The following EDDM3A variants were observed in gnomAD, a reference collection of about 807,000 sequenced individuals.
The protein encoded by EDDM3A is epididymal secretory protein E3-alpha.
For synonymous variants in EDDM3A, 75 were observed against 60.4 expected (o/e 1.24, Z -1.12); for missense variants, 199 against 177.4 (o/e 1.12, Z -0.69).
At chr14:20,743,745 T>C (rs150294878), upstream of EDDM3A, among the ~76,000 whole-genome samples, 144 of 152,278 alleles carry the variant, frequency 9.5e-4, 2 homozygotes, top group African/African-American at 3.2e-3. Flanking sequence ...AGTAGACCCA[T>C]TACGTAGTTT....
At chr14:20,741,872 TA>T (rs147599289), upstream of EDDM3A, among the ~76,000 whole-genome samples, 3,175 of 152,212 alleles carry the variant, frequency 0.021, 261 homozygotes, top group East Asian at 0.27. Context: ...TACTCAGTAG[TA>T]AACACACACT....
At chr14:20,743,260 G>T (rs1318204724), upstream of EDDM3A, among the ~76,000 whole-genome samples, 3 of 152,174 alleles carry the variant, frequency 2.0e-5, no homozygotes, top group Admixed American at 6.5e-5. Flanking sequence ...GCTAACAAAA[G>T]AAATATTGGC....
At chr14:20,745,581 C>A (rs1877559925), upstream of EDDM3A, among the ~76,000 whole-genome samples, 1 of 151,418 alleles carries the variant, frequency 6.6e-6, no homozygotes, top group Non-Finnish European at 1.5e-5. Context: ...CATAGCATAA[C>A]CCTCCAGGGA....
At position 20,747,882 on chromosome 14, in the gene EDDM3A, A is replaced by G. The variant is rs749334870; in HGVS notation, c.302A>G (p.Lys101Arg). Reference sequence around the variant, plus strand: ...TATGTATGGGCCCCAGGTGCCCTCAAAGTACTCGAGTGTCACTGGGAGAAG... The same window carrying G: ...TATGTATGGGCCCCAGGTGCCCTCAGAGTACTCGAGTGTCACTGGGAGAAG... ...NAYVWAPGAL[K>R]VLECHWEKYN... The change falls in exon 2 of 2, where the codon AAA (lysine) becomes AGA (arginine). Residue 101 changes from lysine to arginine, a missense_variant. Coordinates refer to ENST00000326842, the MANE Select transcript of EDDM3A (RefSeq NM_006683.5). 6.2e-7 allele frequency: 1 copy of G among 1,614,170 alleles called. No homozygotes were observed. The highest frequency in any genetic ancestry group is 1.1e-5 in the South Asian group (1 of 91,084).
chr14:20,742,002 C>T (rs1877448612), upstream of EDDM3A, among the ~76,000 whole-genome samples: 1 of 152,236 alleles, frequency 6.6e-6, no homozygotes, highest in African/African-American at 2.4e-5. Context: ...AGCGTCACTT[C>T]TTACATATGC....
upstream of EDDM3A, among the ~76,000 whole-genome samples, chr14:20,742,397 C>A (rs997542232): frequency 6.6e-6 from 1 of 152,182 alleles, no homozygotes; most frequent in Non-Finnish European, 1.5e-5. Flanking sequence ...CTGGTCCTCG[C>A]GTAAGAAATC....
upstream of EDDM3A, among the ~76,000 whole-genome samples, chr14:20,743,420 C>T (rs117671519): frequency 5.4e-3 from 829 of 152,176 alleles, 32 homozygotes; most frequent in East Asian, 0.1. Flanking sequence ...TGTGTTGGTG[C>T]GCACCTGTAC....
At chr14:20,741,558 A>G (rs373575321), upstream of EDDM3A, among the ~76,000 whole-genome samples, 22 of 152,274 alleles carry the variant, frequency 1.4e-4, no homozygotes, top group South Asian at 4.4e-3. Context: ...CAGGCTCCCT[A>G]TAAGTAGAAA....
At chr14:20,742,020 C>A (rs1340590976), upstream of EDDM3A, among the ~76,000 whole-genome samples, 1 of 152,170 alleles carries the variant, frequency 6.6e-6, no homozygotes, top group African/African-American at 2.4e-5. Flanking sequence ...TGCCTGAATA[C>A]CTTATCGATT....
chr14:20,738,824 GGGGAGCAAGTCATA>G, the EDDM3A span, among the ~76,000 whole-genome samples: 1 of 152,158 alleles, frequency 6.6e-6, no homozygotes. Context: ...AAATGCATGT[GGGGAGCAAGTCATA>G]GGGAGATGAC....
chr14:20,736,325 G>C, the EDDM3A span, among the ~76,000 whole-genome samples: 3 of 152,136 alleles, frequency 2.0e-5, no homozygotes, highest in Non-Finnish European at 4.4e-5. Context: ...GGCCAGGCTG[G>C]TCTCAGACTC....
Position 20,747,771 on chromosome 14 carries a change from G to GCTTT in EDDM3A, c.193_196dup (p.His66LeufsTer7). 6.2e-7 allele frequency: 1 copy of GCTTT among 1,614,162 alleles called. No homozygotes were observed. Among genetic ancestry groups the GCTTT allele is most frequent in the Non-Finnish European group, 8.5e-7 (1 of 1,180,002 alleles). The stretch of plus-strand genomic sequence containing the variant: ...GAAAAAGAGGCTCTGAAAGGCAAGA[G>GCTTT]CTTTCATATGTTCATCTATAGCTTA... On this transcript the variant is annotated frameshift_variant, in exon 2 of 2. Coordinates refer to ENST00000326842, the MANE Select transcript of EDDM3A (RefSeq NM_006683.5). LOFTEE classifies it low-confidence loss of function (END_TRUNC).
chr14:20,741,412 G>A (rs74034396), upstream of EDDM3A, among the ~76,000 whole-genome samples: 5,089 of 152,290 alleles, frequency 0.033, 265 homozygotes, highest in African/African-American at 0.12. Flanking sequence ...TTCACCGGCA[G>A]AGACCTGGTC....
chr14:20,739,338 T>A, the EDDM3A span, among the ~76,000 whole-genome samples: 1 of 152,226 alleles, frequency 6.6e-6, no homozygotes, highest in Non-Finnish European at 1.5e-5. Flanking sequence ...CAGGGATAAA[T>A]ATCAGAGCTT....
At chr14:20,741,958 C>T (rs994159453), upstream of EDDM3A, among the ~76,000 whole-genome samples, 4 of 152,202 alleles carry the variant, frequency 2.6e-5, no homozygotes, top group Admixed American at 2.6e-4. Flanking sequence ...ATTCCTGCAA[C>T]CCCTAGATTT....
chr14:20,737,078 A>G, the EDDM3A span, among the ~76,000 whole-genome samples: 1 of 119,952 alleles, frequency 8.3e-6, no homozygotes, highest in South Asian at 2.7e-4. Flanking sequence ...TTTGAGACAG[A>G]GTTTAGCCTT....
chr14:20,737,458 C>A, the EDDM3A span, among the ~76,000 whole-genome samples: 2 of 152,124 alleles, frequency 1.3e-5, no homozygotes, highest in African/African-American at 2.4e-5. Context: ...TGTATGTAAG[C>A]TATACACACG....
In EDDM3A at chr14:20,747,985, C is replaced by A. The variant is rs1199605283; in HGVS notation, c.405C>A (p.Asn135Lys). The change falls in exon 2 of 2, where the codon AAC becomes AAA. Residue 135 changes from asparagine (N) to lysine (K), a missense_variant. Physicochemically the swap from Asn to Lys is moderately conservative, Grantham distance 94. Coordinates refer to ENST00000326842, the MANE Select transcript of EDDM3A (RefSeq NM_006683.5). Reference sequence around the variant, plus strand: ...GTGGCGTAGATGGATATGTTGATAACATAGAAGACCTGAGGATTATAGAAC... The same window carrying A: ...GTGGCGTAGATGGATATGTTGATAAAATAGAAGACCTGAGGATTATAGAAC... ...FHCGVDGYVDNIEDLRIIEPI... is the reference protein window; with the variant it reads ...FHCGVDGYVDKIEDLRIIEPI... 6.2e-7 allele frequency: 1 copy of A among 1,611,566 alleles called. No homozygotes were observed. The highest frequency in any genetic ancestry group is 1.7e-5 in the Admixed American group (1 of 59,602).
At chr14:20,744,974 A>C (rs1877538820), upstream of EDDM3A, among the ~76,000 whole-genome samples, 1 of 152,182 alleles carries the variant, frequency 6.6e-6, no homozygotes, top group African/African-American at 2.4e-5. Context: ...TAATCCCAGC[A>C]CTTTTAGAGG....
Sources: allele counts gnomAD v4.1 joint callset (sites outside exome capture counted in the v4.1 genomes callset), GRCh38; gene constraint gnomAD v4.1.1; transcripts MANE v1.5; gene names NCBI Gene and HGNC (gene_info 2026-07-23, HGNC 2026-07-21).